DHCR24: variants seen among roughly 807,000 people sequenced by gnomAD.
DHCR24 encodes 24-dehydrocholesterol reductase.
DHCR24 carries 28 observed loss-of-function variants against 61.2 expected under a neutral mutation model. The ratio of observed to expected loss-of-function variants is 0.46; its 90% CI spans 0.34 to 0.63. The LOEUF (loss-of-function observed/expected upper bound fraction) is 0.63, where lower values mean the gene tolerates loss of function less well. Among genes scored for constraint, DHCR24 ranks in the 20% least tolerant of loss-of-function variants. The pLI is 0.01. For synonymous variants in DHCR24, 261 were observed against 275.9 expected (o/e 0.95, Z 0.54); for missense variants, 538 against 679.1 (o/e 0.79, Z 2.31).
rs1202020336 is a variant in DHCR24 at position 54,886,790 on chromosome 1, C to T, written c.231+99G>A. 18 of 1,413,892 alleles carry T rather than the reference C, an allele frequency of 1.3e-5. No individual in the cohort carries two copies. In the Admixed American group the frequency reaches 1.9e-4, roughly 15 times the overall value. The allele number at this position is 1,413,892 out of a possible 1,614,324, so 87.6% of individuals were successfully genotyped here. On this transcript the variant is annotated intron_variant, in intron 1 of 8. Coordinates refer to ENST00000371269, the MANE Select transcript of DHCR24 (RefSeq NM_014762.4). ...TCCCCACCCCCCCAGGAAGTCCTGG[C>T]CGCCCCCGCACCGCAGCTCCCGTCG...
At chr1:54,871,743 CT>C in intron 4 of DHCR24, 130 bp from the exon 5 acceptor site, 1 of 1,299,540 alleles carries the variant, frequency 7.7e-7, no homozygotes, top group Non-Finnish European at 1.1e-6. Context: ...AAACAATGAG[CT>C]TTACAAACTG....
rs111305889 is a variant in DHCR24 at position 54,865,300 on chromosome 1, C to T, written c.1020+3G>A. 1.2e-6 allele frequency: 2 copies of T among 1,612,554 alleles called. No individual in the cohort carries two copies. Among genetic ancestry groups the T allele is most frequent in the East Asian group, 2.2e-5 (1 of 44,844 alleles). On this transcript the variant is annotated splice_donor_region_variant and intron_variant, in intron 6 of 8. Coordinates refer to ENST00000371269, the MANE Select transcript of DHCR24 (RefSeq NM_014762.4). ...GCCAGGGCTACAGAAACCTAAGCCT[C>T]ACCTGGAGCTCCCAGAAGATGCTGC...
At chr1:54,857,982 C>A (rs1250981200) in intron 6 of DHCR24, among the ~76,000 whole-genome samples, 3 of 152,194 alleles carry the variant, frequency 2.0e-5, no homozygotes, top group Non-Finnish European at 2.9e-5. Flanking sequence ...ATTCCAGGGC[C>A]TTACTCATCA....
chr1:54,858,478 G>A (rs1207223320), intron 6 of DHCR24, among the ~76,000 whole-genome samples: 2 of 152,176 alleles, frequency 1.3e-5, no homozygotes, highest in African/African-American at 2.4e-5. Flanking sequence ...AGGTCTGAAC[G>A]TTCACTTCCT....
chr1:54,880,837 C>T (rs977342255), intron 2 of DHCR24, among the ~76,000 whole-genome samples: 5 of 151,440 alleles, frequency 3.3e-5, no homozygotes, highest in African/African-American at 1.2e-4. Flanking sequence ...AAGAAATTAA[C>T]AAATTGGGAA....
At chr1:54,857,988 C>T (rs917413689) in intron 6 of DHCR24, among the ~76,000 whole-genome samples, 3 of 152,190 alleles carry the variant, frequency 2.0e-5, no homozygotes, top group African/African-American at 4.8e-5. Context: ...GGGCCTTACT[C>T]ATCAGGGAGG....
chr1:54,869,157 C>A (rs767185751), intron 5 of DHCR24, among the ~76,000 whole-genome samples: 2 of 152,162 alleles, frequency 1.3e-5, no homozygotes, highest in Non-Finnish European at 2.9e-5. Context: ...CAAAGAGAGG[C>A]TCACCCTCAC....
chr1:54,878,192 G>A (rs1426647192), intron 2 of DHCR24, among the ~76,000 whole-genome samples: 4 of 151,488 alleles, frequency 2.6e-5, no homozygotes, highest in African/African-American at 9.7e-5. Flanking sequence ...TGAAGCCAGG[G>A]AAAAAACTGC....
intron 6 of DHCR24, among the ~76,000 whole-genome samples, chr1:54,864,846 C>G (rs184187770): frequency 2.7e-5 from 4 of 149,596 alleles, no homozygotes; most frequent in East Asian, 2.0e-4. Context: ...TAAAGTGTCA[C>G]TGCTCCTCAT....
In DHCR24 at chr1:54,870,305, C is replaced by T. The variant is rs752952137; in HGVS notation, c.876+1045G>A. On this transcript the variant is annotated intron_variant, in intron 5 of 8. Coordinates refer to ENST00000371269, the MANE Select transcript of DHCR24 (RefSeq NM_014762.4). ...AAACTGTTATACGTAAGTGGTTACA[C>T]CCTGGCGTAAAGAGATGCACTTTAA... Among the ~76,000 whole-genome samples, 4 of 151,972 alleles carry T rather than the reference C, an allele frequency of 2.6e-5. 1 individual carries two copies. The South Asian group carries it at 8.3e-4, about 32-fold the overall frequency.
In DHCR24 at chr1:54,852,220, G is replaced by C; in HGVS notation, c.*13C>G. On this transcript the variant is annotated 3_prime_UTR_variant, in exon 9 of 9. Transcript: ENST00000371269. ...CCACTCACACGTGTCTGTCTCTCCA[G>C]GCGGGCTCCAGCTCAGTGCCTGGCG... 6.2e-7 allele frequency: 1 copy of C among 1,614,178 alleles called. No individual in the cohort carries two copies. Among genetic ancestry groups the C allele is most frequent in the Non-Finnish European group, 8.5e-7 (1 of 1,180,048 alleles).
chr1:54,860,813 G>A (rs4927171), intron 6 of DHCR24, among the ~76,000 whole-genome samples: 82,970 of 151,426 alleles, frequency 0.55, 24,972 homozygotes, highest in South Asian at 0.72. Flanking sequence ...GTGAAACCCC[G>A]TCTCTGCTAA....
At chr1:54,874,820 CCTT>C (rs1372762798) in intron 4 of DHCR24, among the ~76,000 whole-genome samples, 1 of 149,828 alleles carries the variant, frequency 6.7e-6, no homozygotes, top group Non-Finnish European at 1.5e-5. Context: ...GGATAATAAT[CCTT>C]CTATTATTTA....
intron 6 of DHCR24, among the ~76,000 whole-genome samples, chr1:54,862,699 G>A (rs1383921427): frequency 6.6e-6 from 1 of 152,074 alleles, no homozygotes; most frequent in Non-Finnish European, 1.5e-5. Flanking sequence ...CCCGACACAC[G>A]TCACTGGCTC....
At chr1:54,854,883 C>T (rs1181505767) in intron 6 of DHCR24, among the ~76,000 whole-genome samples, 4 of 152,308 alleles carry the variant, frequency 2.6e-5, no homozygotes, top group Non-Finnish European at 4.4e-5. Context: ...CAGACTGCCA[C>T]GAGGCGGGAG....
intron 6 of DHCR24, among the ~76,000 whole-genome samples, chr1:54,860,228 C>T (rs891619311): frequency 1.3e-5 from 2 of 152,218 alleles, no homozygotes. Flanking sequence ...CTGCCAGATG[C>T]CTTGTTACTG....
At position 54,883,434 on chromosome 1, in the gene DHCR24, C is replaced by T. The variant is rs1647074954; in HGVS notation, c.387+184G>A. Among the ~76,000 whole-genome samples the T allele has an allele frequency of 2.0e-5, 3 of 152,188 alleles. No homozygotes were observed. The highest frequency in any genetic ancestry group is 2.0e-4 in the Admixed American group (3 of 15,278). On this transcript the variant is annotated intron_variant, in intron 2 of 8. Transcript: ENST00000371269. This position sits in a 1 kb window ranked among gnomAD's most constrained non-coding sequence, Gnocchi z 4.3. ...AAAGGGTTCCCCTGACCTATTATGA[C>T]CCATCTCTCCCCTGGTGGCTGTGAG...
Position 54,886,909 on chromosome 1 carries a change from CGCGCTGCTCGTGCAGGCGCGGA to C in DHCR24, c.189_210del (p.Pro64CysfsTer45), listed in dbSNP as rs1487660545. On this transcript the variant is annotated frameshift_variant, in exon 1 of 9. Transcript: ENST00000371269. LOFTEE classifies it high-confidence loss of function. ...CTCACCTGCTTCTGGATGTCCCGCA[CGCGCTGCTCGTGCAGGCGCGGA>C]GCGCTGCTGAGCTTGAACACCACCC... 5.6e-6 allele frequency: 9 copies of C among 1,613,088 alleles called. No homozygotes were observed. The highest frequency in any genetic ancestry group is 1.7e-5 in the Admixed American group (1 of 59,988).
chr1:54,878,137 A>G (rs1402122715), intron 2 of DHCR24, among the ~76,000 whole-genome samples: 2 of 152,132 alleles, frequency 1.3e-5, no homozygotes, highest in Admixed American at 1.3e-4. Context: ...TGGGAATTCA[A>G]CTGAGTACTA....
Sources: gnomAD v4.1 joint callset for allele counts (sites outside exome capture counted in the v4.1 genomes callset) on GRCh38, gnomAD v4.1.1 for gene constraint, Gnocchi (gnomAD v3.1) non-coding constraint, MANE v1.5 for transcripts, NCBI Gene and HGNC (gene_info 2026-07-23, HGNC 2026-07-21) for gene names.